The following MKLN1 variants were observed in gnomAD, a reference collection of about 807,000 sequenced individuals.
MKLN1 encodes muskelin 1.
In MKLN1, 18 loss-of-function variants were observed where a neutral mutation model predicts 99.0. The ratio of observed to expected loss-of-function variants is 0.18; its 90% confidence interval spans 0.13 to 0.27. The LOEUF is 0.27. MKLN1 is among the 10% of genes least tolerant of loss of function. The pLI, the probability that MKLN1 is intolerant of heterozygous loss-of-function variation, is 1.00. For missense variants in MKLN1, 621 were observed against 875.9 expected, an observed-to-expected ratio of 0.71 and a Z score of 3.67; for synonymous variants, 288 against 293.2, an observed-to-expected ratio of 0.98 and a Z score of 0.18.
At chr7:131,138,059 G>A (rs1346156085) in intron 1 of MKLN1, among the ~76,000 whole-genome samples, 1 of 151,670 alleles carries the variant, frequency 6.6e-6, no homozygotes, top group Non-Finnish European at 1.5e-5. Context: ...ATGAGTAGCT[G>A]GGATTAAAGG....
chr7:131,356,285 C>G (rs1342617073), intron 1 of MKLN1, among the ~76,000 whole-genome samples: 1 of 152,032 alleles, frequency 6.6e-6, no homozygotes, highest in African/African-American at 2.4e-5. Flanking sequence ...ATTAGCCTGC[C>G]TTTCCCTAGC....
intron 3 of MKLN1, among the ~76,000 whole-genome samples, chr7:131,262,752 C>T (rs1267667333): frequency 3.3e-5 from 5 of 151,788 alleles, no homozygotes; most frequent in Admixed American, 6.6e-5. Context: ...GGTTTCACCA[C>T]GTTGGCCAGG....
chr7:131,450,305 G>A (rs561587447), intron 12 of MKLN1, among the ~76,000 whole-genome samples: 2 of 152,138 alleles, frequency 1.3e-5, no homozygotes, highest in Admixed American at 6.5e-5. Flanking sequence ...AATAAGCTAC[G>A]CACTAGGAGT....
At chr7:131,464,471 AT>A in intron 14 of MKLN1, 63 bp downstream of exon 14, 1 of 898,616 alleles carries the variant, frequency 1.1e-6, no homozygotes, top group Non-Finnish European at 1.8e-6. Context: ...ATCCCCAAAT[AT>A]ATCTTTGATT....
chr7:131,232,434 G>A (rs189714186), intron 3 of MKLN1, among the ~76,000 whole-genome samples: 53 of 152,268 alleles, frequency 3.5e-4, no homozygotes, highest in African/African-American at 1.3e-3. Flanking sequence ...AGGTGAGGGG[G>A]TTTTATATAT....
chr7:131,323,192 G>A (rs1238342528), upstream of MKLN1, among the ~76,000 whole-genome samples: 1 of 152,060 alleles, frequency 6.6e-6, no homozygotes, highest in Non-Finnish European at 1.5e-5. Flanking sequence ...AAGGAAATGT[G>A]TACATTGTGA....
chr7:131,401,802 T>C (rs781583741), intron 6 of MKLN1, among the ~76,000 whole-genome samples: 3 of 152,162 alleles, frequency 2.0e-5, no homozygotes, highest in African/African-American at 4.8e-5. Context: ...TAAGGTACAG[T>C]GGCATTATTT....
At chr7:131,118,102 C>T (rs569685840) in intron 1 of MKLN1, among the ~76,000 whole-genome samples, 47 of 152,236 alleles carry the variant, frequency 3.1e-4, no homozygotes, top group African/African-American at 1.1e-3. Context: ...AATGAGTTCT[C>T]GCTCAATTAG....
chr7:131,316,229 CT>C (rs2116650381), intron 3 of MKLN1, among the ~76,000 whole-genome samples: 1 of 152,310 alleles, frequency 6.6e-6, no homozygotes, highest in African/African-American at 2.4e-5. Flanking sequence ...GCTGGTGCCC[CT>C]CTGGGACAAA....
intron 1 of MKLN1, among the ~76,000 whole-genome samples, chr7:131,141,216 A>G (rs1795727790): frequency 6.6e-6 from 1 of 152,130 alleles, no homozygotes; most frequent in African/African-American, 2.4e-5. Flanking sequence ...ATGACTCCTA[A>G]ATGGATATCC....
intron 3 of MKLN1, among the ~76,000 whole-genome samples, chr7:131,278,045 T>C (rs999510978): frequency 1.3e-5 from 2 of 152,096 alleles, no homozygotes; most frequent in African/African-American, 4.8e-5. Context: ...TATTTTATTT[T>C]ATTTATTTTA....
intron 6 of MKLN1, among the ~76,000 whole-genome samples, chr7:131,407,815 A>G (rs1794753276): frequency 6.6e-6 from 1 of 151,752 alleles, no homozygotes; most frequent in African/African-American, 2.4e-5. Flanking sequence ...AACTCTTTCA[A>G]GGTATCTTCT....
chr7:131,131,222 T>TAAATAAATAAATAAAA, intron 1 of MKLN1, among the ~76,000 whole-genome samples: 1 of 149,490 alleles, frequency 6.7e-6, no homozygotes. Flanking sequence ...AATAAATAAA[T>TAAATAAATAAATAAAA]AAAATTTAGC....
At chr7:131,410,652 G>A (rs986662775) in intron 6 of MKLN1, among the ~76,000 whole-genome samples, 1 of 152,138 alleles carries the variant, frequency 6.6e-6, no homozygotes, top group Non-Finnish European at 1.5e-5. Flanking sequence ...GGGGGAAAGA[G>A]ATTAGGATCC....
intron 3 of MKLN1, among the ~76,000 whole-genome samples, chr7:131,224,729 A>C (rs1009098872): frequency 9.9e-5 from 15 of 151,784 alleles, no homozygotes; most frequent in Admixed American, 4.6e-4. Flanking sequence ...TCTCAAAAAA[A>C]AACCCTCAAA....
At chr7:131,410,171 A>G (rs1794834085) in intron 6 of MKLN1, among the ~76,000 whole-genome samples, 2 of 152,114 alleles carry the variant, frequency 1.3e-5, no homozygotes, top group Admixed American at 1.3e-4. Context: ...CAGTCTCCAT[A>G]CCATTACAGT....
chr7:131,179,707 TG>T (rs1796351851), intron 2 of MKLN1, among the ~76,000 whole-genome samples: 1 of 151,768 alleles, frequency 6.6e-6, no homozygotes, highest in Admixed American at 6.6e-5. Context: ...CCCGAGTAGC[TG>T]GGACTACAGG....
chr7:131,492,734 CAAAAA>C lies in MKLN1; in HGVS notation c.*5021_*5025del, dbSNP rs3079482. ...TGGGCAACAGAGCAAGACCCTGTCT[CAAAAA>C]AAAAAAAAAAAAAAGAATGTGAATT... On this transcript the variant is annotated 3_prime_UTR_variant, in exon 18 of 18. Coordinates refer to ENST00000352689, the MANE Select transcript of MKLN1 (RefSeq NM_013255.5). 7.7e-5 allele frequency: 9 copies of C among 117,166 alleles called. No homozygotes were observed. Among genetic ancestry groups the C allele is most frequent in the South Asian group, 2.9e-4 (1 of 3,418 alleles). 7.3% of individuals were successfully genotyped at this position (117,166 alleles called of 1,614,324 possible). A position where few individuals can be genotyped will look rare whatever the true frequency, so the allele number is the denominator to read the frequency against.
At position 131,414,740 on chromosome 7, in the gene MKLN1, T is replaced by C. The variant is rs548833188; in HGVS notation, c.847+30T>C. On this transcript the variant is annotated intron_variant, in intron 8 of 17. Transcript: ENST00000352689. ...GTAGCAGTTGCAGTGGAAAGCAAAA[T>C]CTTCATTGGCTACAGGCATCGTCTA... 1.3e-5 allele frequency: 18 copies of C among 1,424,878 alleles called. No homozygotes were observed. In the South Asian group the frequency reaches 2.0e-4, roughly 16 times the overall value. 88.3% of individuals were successfully genotyped at this position (1,424,878 alleles called of 1,614,324 possible).
Sources: allele counts gnomAD v4.1 joint callset (sites outside exome capture counted in the v4.1 genomes callset), GRCh38; gene constraint gnomAD v4.1.1; transcripts MANE v1.5; gene names NCBI Gene and HGNC (gene_info 2026-07-23, HGNC 2026-07-21).